The following SEMA3E variants were observed in gnomAD, a reference collection of about 807,000 sequenced individuals.
SEMA3E encodes the protein semaphorin 3E.
In SEMA3E, 49 loss-of-function variants were observed where a neutral mutation model predicts 93.6. The observed-to-expected ratio is 0.52, with a 90% CI of 0.42 to 0.66. SEMA3E has a LOEUF of 0.66. SEMA3E is among the 30% of genes least tolerant of loss of function. The pLI, the probability that SEMA3E is intolerant of heterozygous loss-of-function variation, is 0.00. For missense variants in SEMA3E, 906 were observed against 964.8 expected, an observed-to-expected ratio of 0.94 and a Z score of 0.81; for synonymous variants, 363 against 330.7, an observed-to-expected ratio of 1.10 and a Z score of -1.06.
chr7:83,515,821 A>G (rs946566379), intron 1 of SEMA3E, among the ~76,000 whole-genome samples: 2 of 152,162 alleles, frequency 1.3e-5, no homozygotes, highest in Non-Finnish European at 2.9e-5. Context: ...TGCGGTCAGG[A>G]GTTCGAGACC....
chr7:83,421,246 T>G (rs1584237445), intron 4 of SEMA3E, among the ~76,000 whole-genome samples: 1 of 142,674 alleles, frequency 7.0e-6, no homozygotes, highest in Admixed American at 7.0e-5. Context: ...TAACATAGAA[T>G]AATGCATAAG....
chr7:83,468,883 T>C (rs1789832713), intron 3 of SEMA3E, among the ~76,000 whole-genome samples: 2 of 152,150 alleles, frequency 1.3e-5, no homozygotes, highest in South Asian at 4.1e-4. Flanking sequence ...CTAAACAATG[T>C]AAAGTGAAAT....
chr7:83,454,472 A>G (rs1789441778), intron 4 of SEMA3E, among the ~76,000 whole-genome samples: 1 of 151,868 alleles, frequency 6.6e-6, no homozygotes, highest in Non-Finnish European at 1.5e-5. Flanking sequence ...AAGGACAAAG[A>G]ATATTAAATG....
chr7:83,518,133 A>AGTT (rs3839771), intron 1 of SEMA3E, among the ~76,000 whole-genome samples: 76,318 of 151,376 alleles, frequency 0.5, 19,553 homozygotes, highest in South Asian at 0.64. Flanking sequence ...GGCAGCTTAG[A>AGTT]GTTGGGATTT....
At chr7:83,380,019 G>C (rs1237391383) in intron 16 of SEMA3E, among the ~76,000 whole-genome samples, 1 of 151,748 alleles carries the variant, frequency 6.6e-6, no homozygotes, top group African/African-American at 2.4e-5. Flanking sequence ...TACACAGCAG[G>C]ACAGCTCCAC....
chr7:83,461,091 G>T (rs1789606850), intron 4 of SEMA3E, among the ~76,000 whole-genome samples: 1 of 152,038 alleles, frequency 6.6e-6, no homozygotes, highest in Admixed American at 6.6e-5. Flanking sequence ...CCAGAAAATG[G>T]CACTCTGAAT....
chr7:83,408,282 CTTATTA>C (rs1475809507), intron 6 of SEMA3E, 80 bp downstream of exon 6: 2 of 1,478,428 alleles, frequency 1.4e-6, no homozygotes, highest in South Asian at 1.2e-5. Context: ...TATTTATATT[CTTATTA>C]TTATCAAAAT....
At chr7:83,529,060 A>G (rs1338940812) in intron 1 of SEMA3E, among the ~76,000 whole-genome samples, 1 of 152,156 alleles carries the variant, frequency 6.6e-6, no homozygotes, top group Non-Finnish European at 1.5e-5. Flanking sequence ...ACATTCTGGT[A>G]GAGTATTTGA....
rs3801578 is a variant in SEMA3E, at chr7:83,633,945, G to C, written c.115+14483C>G. Among the ~76,000 whole-genome samples, 37 of 152,196 alleles carry C rather than the reference G, an allele frequency of 2.4e-4. No homozygotes were observed. In the East Asian group the frequency reaches 7.0e-3, roughly 29 times the overall value. On this transcript the variant is annotated intron_variant, in intron 1 of 16. Coordinates refer to ENST00000643230, the MANE Select transcript of SEMA3E (RefSeq NM_012431.3). ...ACTCCCTGAAGTAGTTCCTTAACTG[G>C]CAAGAATTCTTTTCCACCCATAGCA... is the stretch of plus-strand genomic sequence containing the variant.
intron 2 of SEMA3E, among the ~76,000 whole-genome samples, chr7:83,485,363 T>G (rs1006158292): frequency 6.6e-6 from 1 of 152,186 alleles, no homozygotes; most frequent in Non-Finnish European, 1.5e-5. Context: ...ATTTATCCTT[T>G]TACAAATAAA....
rs1413324918 is a variant in SEMA3E, at chr7:83,402,735, G to C, written c.1040C>G (p.Ser347Cys). Residue 347 changes from serine (S) to cysteine (C), a missense_variant, in exon 10 of 17, where the codon TCT becomes TGT. Ser to Cys is a moderately radical substitution (Grantham distance 112, BLOSUM62 -1). Transcript: ENST00000643230. ...RGHAICVYHM[S>C]SIRAAFNGPY... ...TCCGTTGAAGGCTGCCCGAATGCTA[G>C]ACATGTGATAGACACATATAGCATG... The C allele has an allele frequency of 6.2e-7, 1 of 1,612,826 alleles. No individual in the cohort carries two copies. Among genetic ancestry groups the C allele is most frequent in the South Asian group, 1.1e-5 (1 of 91,054 alleles).
At chr7:83,570,570 A>G (rs932400395) in intron 1 of SEMA3E, among the ~76,000 whole-genome samples, 3 of 146,894 alleles carry the variant, frequency 2.0e-5, no homozygotes, top group African/African-American at 5.1e-5. Flanking sequence ...AAAAAAAAAA[A>G]AAGAAGTTAG....
intron 1 of SEMA3E, among the ~76,000 whole-genome samples, chr7:83,632,325 T>C (rs1793803057): frequency 6.6e-6 from 1 of 152,150 alleles, no homozygotes; most frequent in Non-Finnish European, 1.5e-5. Context: ...TATTCACCTA[T>C]GACAAAAGAG....
intron 10 of SEMA3E, among the ~76,000 whole-genome samples, chr7:83,402,185 C>T (rs1333278019): frequency 6.6e-6 from 1 of 151,876 alleles, no homozygotes; most frequent in South Asian, 2.1e-4. Flanking sequence ...AGTAAGGAGA[C>T]AGTTTGGCCT....
intron 1 of SEMA3E, among the ~76,000 whole-genome samples, chr7:83,544,915 G>GA (rs1230824339): frequency 1.3e-5 from 2 of 151,912 alleles, no homozygotes; most frequent in Non-Finnish European, 2.9e-5. Context: ...TATATTTGCT[G>GA]AAAAAATTGA....
intron 1 of SEMA3E, among the ~76,000 whole-genome samples, chr7:83,568,456 G>A (rs1792209025): frequency 6.6e-6 from 1 of 151,982 alleles, no homozygotes; most frequent in African/African-American, 2.4e-5. Flanking sequence ...CCTGATGAAC[G>A]TAGATACAAA....
intron 1 of SEMA3E, among the ~76,000 whole-genome samples, chr7:83,624,835 G>A (rs1014758480): frequency 1.3e-5 from 2 of 151,796 alleles, no homozygotes; most frequent in African/African-American, 4.8e-5. Context: ...CTAGGTTTTC[G>A]CCTAGGGTTT....
intron 1 of SEMA3E, among the ~76,000 whole-genome samples, chr7:83,497,475 A>C (rs1305294528): frequency 1.3e-5 from 2 of 152,156 alleles, no homozygotes; most frequent in East Asian, 3.9e-4. Context: ...TCAACAAAAA[A>C]AATTGAATTT....
intron 1 of SEMA3E, among the ~76,000 whole-genome samples, chr7:83,611,822 G>A (rs1330803399): frequency 2.0e-5 from 3 of 151,912 alleles, no homozygotes; most frequent in Admixed American, 6.6e-5. Flanking sequence ...CCAGGATTCC[G>A]GCCTTTTCAG....
Sources: gnomAD v4.1 joint callset for allele counts (sites outside exome capture counted in the v4.1 genomes callset) on GRCh38, gnomAD v4.1.1 for gene constraint, MANE v1.5 for transcripts, NCBI Gene and HGNC (gene_info 2026-07-23, HGNC 2026-07-21) for gene names.